Variants in TTLL5 observed in about 807,000 individuals in gnomAD.
TTLL5 encodes tubulin tyrosine ligase like 5.
TTLL5 carries 132 observed loss-of-function variants against 168.4 expected under a neutral mutation model. The observed-to-expected ratio is 0.78, with a 90% CI of 0.68 to 0.91. The LOEUF (loss-of-function observed/expected upper bound fraction) is 0.91. Ranked by LOEUF, TTLL5 falls within the 40% of genes least tolerant of loss-of-function variation. The probability of loss-of-function intolerance (pLI) is 0.00; values close to 1 mark genes in which losing one functional copy is unlikely to be tolerated. For synonymous variants in TTLL5, 546 were observed against 558.6 expected (o/e 0.98, Z 0.32); for missense variants, 1,545 against 1,581.5 (o/e 0.98, Z 0.39).
chr14:75,863,594 A>T (rs1327395391), intron 28 of TTLL5, 73 bp from the exon 29 acceptor site: 3 of 1,392,432 alleles, frequency 2.2e-6, no homozygotes, highest in South Asian at 1.6e-5. Context: ...AATACCTGAG[A>T]TATTTCTCTC....
At position 75,725,415 on chromosome 14, in the gene TTLL5, T is replaced by C. The variant is rs201230999; in HGVS notation, c.1042+4712T>C. ...CTACAGAAGAAACTTATGTAGGAAGTATCTACTGTTTATCAAGCAAACATT... is the reference window on the plus strand; with the variant it reads ...CTACAGAAGAAACTTATGTAGGAAGCATCTACTGTTTATCAAGCAAACATT... On this transcript the variant is annotated intron_variant, in intron 12 of 31. Transcript: ENST00000298832. Among the ~76,000 whole-genome samples the C allele has an allele frequency of 4.6e-5, 7 of 152,250 alleles. No homozygotes were observed. The East Asian group carries it at 1.3e-3, about 29-fold the overall frequency.
At chr14:75,883,047 C>T (rs1382218027) in intron 30 of TTLL5, 145 bp downstream of exon 30, 1 of 910,072 alleles carries the variant, frequency 1.1e-6, no homozygotes, top group South Asian at 1.9e-5. Flanking sequence ...CCCTAGTTCT[C>T]AGCGTGGGCT....
At chr14:75,920,054 G>A (rs2033771455) in intron 31 of TTLL5, among the ~76,000 whole-genome samples, 2 of 152,080 alleles carry the variant, frequency 1.3e-5, no homozygotes, top group South Asian at 4.1e-4. Flanking sequence ...CCCAGGAAGT[G>A]GAGGTTGCAG....
At chr14:75,732,229 A>G in intron 12 of TTLL5, 109 bp from the exon 13 acceptor site, 1 of 806,330 alleles carries the variant, frequency 1.2e-6, no homozygotes, top group Non-Finnish European at 1.9e-6. Flanking sequence ...TGCTACTTAC[A>G]CTCAGTGAGT....
chr14:75,912,150 G>A (rs1002902512), intron 31 of TTLL5, among the ~76,000 whole-genome samples: 4 of 152,112 alleles, frequency 2.6e-5, no homozygotes, highest in East Asian at 1.9e-4. Context: ...TACTCATGAC[G>A]TGACTCTCTC....
intron 18 of TTLL5, among the ~76,000 whole-genome samples, chr14:75,754,301 G>T (rs1424052005): frequency 1.3e-4 from 20 of 151,700 alleles, no homozygotes; most frequent in African/African-American, 4.4e-4. Flanking sequence ...TCTGTTTTTT[G>T]CATTATTTTA....
At position 75,720,578 on chromosome 14, in the gene TTLL5, A is replaced by T; in HGVS notation, c.935-18A>T. ...TATTTTGATATTGAGTCTGAAATTT[A>T]AAAATTTTTGTTTGCAGCATTGATG... On this transcript the variant is annotated intron_variant, in intron 11 of 31. Coordinates refer to ENST00000298832, the MANE Select transcript of TTLL5 (RefSeq NM_015072.5). 2.5e-6 allele frequency: 4 copies of T among 1,590,850 alleles called. No individual in the cohort carries two copies. Among genetic ancestry groups the T allele is most frequent in the Non-Finnish European group, 3.4e-6 (4 of 1,160,058 alleles).
intron 26 of TTLL5, 133 bp downstream of exon 26, chr14:75,783,663 C>A: frequency 3.1e-6 from 4 of 1,272,348 alleles, no homozygotes; most frequent in South Asian, 3.2e-5. Flanking sequence ...ATTGTTCTGA[C>A]GTGACTAAAG....
chr14:75,680,936 G>A (rs1355147881), intron 3 of TTLL5, among the ~76,000 whole-genome samples: 1 of 152,008 alleles, frequency 6.6e-6, no homozygotes, highest in Non-Finnish European at 1.5e-5. Flanking sequence ...CTAGAGCAGG[G>A]GTTTTTAACC....
intron 27 of TTLL5, among the ~76,000 whole-genome samples, chr14:75,812,420 G>GT (rs971083881): frequency 2.6e-5 from 4 of 151,998 alleles, no homozygotes; most frequent in African/African-American, 4.8e-5. Flanking sequence ...TAAATTTCTT[G>GT]TTTTTTTGTT....
chr14:75,926,272 A>G (rs891201731), intron 31 of TTLL5, among the ~76,000 whole-genome samples: 3 of 146,652 alleles, frequency 2.0e-5, no homozygotes, highest in African/African-American at 5.1e-5. Context: ...TCCTTAATAC[A>G]GCACACTGAT....
At chr14:75,931,448 A>G (rs1043221656) in intron 31 of TTLL5, among the ~76,000 whole-genome samples, 1 of 152,238 alleles carries the variant, frequency 6.6e-6, no homozygotes, top group African/African-American at 2.4e-5. Flanking sequence ...ACAACTTAAC[A>G]AGTCCAATTT....
At position 75,720,581 on chromosome 14, in the gene TTLL5, A is replaced by G; in HGVS notation, c.935-15A>G. ...TTTGATATTGAGTCTGAAATTTAAA[A>G]ATTTTTGTTTGCAGCATTGATGGCC... On this transcript the variant is annotated splice_polypyrimidine_tract_variant and intron_variant, in intron 11 of 31. Coordinates refer to ENST00000298832, the MANE Select transcript of TTLL5 (RefSeq NM_015072.5). The G allele has an allele frequency of 2.5e-6, 4 of 1,602,376 alleles. No individual in the cohort carries two copies. Among genetic ancestry groups the G allele is most frequent in the Non-Finnish European group, 2.6e-6 (3 of 1,170,376 alleles).
chr14:75,872,771 C>T (rs1462192936), intron 29 of TTLL5, among the ~76,000 whole-genome samples: 4 of 151,768 alleles, frequency 2.6e-5, no homozygotes, highest in African/African-American at 4.8e-5. Flanking sequence ...ATTAGCTGTG[C>T]GTGGTTGCGC....
At chr14:75,926,957 T>C (rs1024889354) in intron 31 of TTLL5, among the ~76,000 whole-genome samples, 6 of 152,214 alleles carry the variant, frequency 3.9e-5, no homozygotes, top group African/African-American at 1.4e-4. Context: ...GCAGTGTATA[T>C]ATACAGATTG....
At chr14:75,785,485 A>T (rs993224811) in intron 26 of TTLL5, among the ~76,000 whole-genome samples, 1 of 151,860 alleles carries the variant, frequency 6.6e-6, no homozygotes, top group Non-Finnish European at 1.5e-5. Context: ...GGCCCCTCCT[A>T]TGTTTTATAG....
chr14:75,668,470 C>A (rs1883466713), intron 2 of TTLL5, among the ~76,000 whole-genome samples: 1 of 152,118 alleles, frequency 6.6e-6, no homozygotes, highest in African/African-American at 2.4e-5. Context: ...GGACTCAGTT[C>A]ATTTAATTTT....
At chr14:75,883,012 A>G in intron 30 of TTLL5, 110 bp downstream of exon 30, 1 of 1,189,568 alleles carries the variant, frequency 8.4e-7, no homozygotes, top group Non-Finnish European at 1.2e-6. Context: ...GGAAACAAGA[A>G]CACCTGCTGG....
intron 31 of TTLL5, among the ~76,000 whole-genome samples, chr14:75,919,197 C>CAAAAAAA (rs10655974): frequency 7.1e-5 from 4 of 56,096 alleles, no homozygotes; most frequent in African/African-American, 2.7e-4. Context: ...AAGACCGTCT[C>CAAAAAAA]AAAAAAAAAA....
Sources: gnomAD v4.1 joint callset for allele counts (sites outside exome capture counted in the v4.1 genomes callset) on GRCh38, gnomAD v4.1.1 for gene constraint, MANE v1.5 for transcripts, NCBI Gene and HGNC (gene_info 2026-07-23, HGNC 2026-07-21) for gene names.